Variants in MICU1 observed in about 807,000 individuals in gnomAD.
The protein encoded by MICU1 is mitochondrial calcium uptake 1, also known as calcium uptake protein 1, mitochondrial.
Under a neutral mutation model 56.8 loss-of-function variants are expected in MICU1, and 45 were observed. The observed-to-expected ratio is 0.79, with a 90% CI of 0.62 to 1.02. The LOEUF is 1.02. Ranked by LOEUF, MICU1 falls within the 50% of genes least tolerant of loss-of-function variation. The probability of loss-of-function intolerance (pLI) is 0.00; values close to 1 mark genes in which losing one functional copy is unlikely to be tolerated. For synonymous variants in MICU1, 186 were observed against 195.1 expected (o/e 0.95, Z 0.39); for missense variants, 504 against 587.1 (o/e 0.86, Z 1.46).
chr10:72,509,415 C>G, intron 5 of MICU1: 1 of 1,329,544 alleles, frequency 7.5e-7, no homozygotes, highest in Non-Finnish European at 9.9e-7. Flanking sequence ...TAGTGGAGAT[C>G]CCATCATAAA....
intron 10 of MICU1, among the ~76,000 whole-genome samples, chr10:72,383,560 C>T (rs1448549179): frequency 6.6e-6 from 1 of 152,132 alleles, no homozygotes; most frequent in African/African-American, 2.4e-5. Context: ...GCATAGTATT[C>T]CACTGACAGG....
intron 1 of MICU1, among the ~76,000 whole-genome samples, chr10:72,598,154 C>T (rs1465601999): frequency 6.6e-6 from 1 of 152,152 alleles, no homozygotes; most frequent in Non-Finnish European, 1.5e-5. Flanking sequence ...CATCACATCC[C>T]TATTTTGTGT....
intron 6 of MICU1, among the ~76,000 whole-genome samples, chr10:72,490,118 T>C (rs1343880517): frequency 6.6e-6 from 1 of 152,194 alleles, no homozygotes; most frequent in Non-Finnish European, 1.5e-5. Context: ...AAGGACAATA[T>C]TCATTTACAC....
intron 10 of MICU1, among the ~76,000 whole-genome samples, chr10:72,386,789 T>C (rs1237911301): frequency 1.3e-5 from 2 of 152,070 alleles, no homozygotes; most frequent in African/African-American, 4.8e-5. Context: ...CTGGAACTCC[T>C]CAGCCTCCCA....
At chr10:72,453,716 A>C (rs1865367448) in intron 8 of MICU1, among the ~76,000 whole-genome samples, 1 of 151,296 alleles carries the variant, frequency 6.6e-6, no homozygotes, top group South Asian at 2.1e-4. Context: ...TTTTTAGTAG[A>C]GACAGGATTT....
In MICU1 at chr10:72,623,615, G is replaced by A. The variant is rs546842481; in HGVS notation, c.-2+2395C>T. Among the ~76,000 whole-genome samples the A allele has an allele frequency of 3.9e-5, 6 of 152,132 alleles. No homozygotes were observed. In the South Asian group the frequency reaches 1.0e-3, roughly 26 times the overall value. On this transcript the variant is annotated intron_variant, in intron 1 of 11. Transcript: ENST00000361114. The stretch of plus-strand genomic sequence containing the variant: ...GCATTTTGGGAGGCCGAGGCAGGTG[G>A]ATCACCTGAGGTCGTCAGGAGTTCG...
At chr10:72,495,126 C>A (rs948420155) in intron 6 of MICU1, among the ~76,000 whole-genome samples, 3 of 152,010 alleles carry the variant, frequency 2.0e-5, no homozygotes, top group African/African-American at 7.3e-5. Context: ...AGAAGGCAAG[C>A]CAGTGCTTTT....
chr10:72,420,122 C>T (rs1320434749), intron 9 of MICU1, among the ~76,000 whole-genome samples: 1 of 151,896 alleles, frequency 6.6e-6, no homozygotes, highest in African/African-American at 2.4e-5. Context: ...TGCAATGGCG[C>T]GATCTCGGCT....
intron 8 of MICU1, among the ~76,000 whole-genome samples, chr10:72,468,791 A>G (rs190266399): frequency 3.0e-4 from 45 of 152,344 alleles, no homozygotes; most frequent in Non-Finnish European, 5.7e-4. Context: ...AGAAATTGGT[A>G]AAAGATTCTG....
intron 6 of MICU1, among the ~76,000 whole-genome samples, chr10:72,491,823 C>T (rs1033494215): frequency 2.0e-5 from 3 of 151,546 alleles, no homozygotes; most frequent in African/African-American, 7.3e-5. Flanking sequence ...TACAGAGATA[C>T]TAGTAAAATG....
chr10:72,475,829 G>C (rs116935821), intron 7 of MICU1: 8,175 of 456,498 alleles, frequency 0.018, 96 homozygotes, highest in Non-Finnish European at 0.024. Context: ...CTGGTAAGTA[G>C]CAGAATTAGG....
intron 1 of MICU1, among the ~76,000 whole-genome samples, chr10:72,608,347 C>G (rs887887650): frequency 2.0e-5 from 3 of 152,236 alleles, no homozygotes; most frequent in African/African-American, 7.2e-5. Context: ...GCTGGGATTA[C>G]AGGTGTGAGC....
intron 1 of MICU1, among the ~76,000 whole-genome samples, chr10:72,568,777 G>A (rs1292464514): frequency 9.4e-6 from 1 of 106,492 alleles, no homozygotes; most frequent in Non-Finnish European, 1.8e-5. Flanking sequence ...TTTTGAGACT[G>A]AGTCTTGCCC....
At chr10:72,372,056 GAA>G (rs57403485) in intron 11 of MICU1, among the ~76,000 whole-genome samples, 4,168 of 124,612 alleles carry the variant, frequency 0.033, 175 homozygotes, top group African/African-American at 0.11. Context: ...ATGCTGTCTC[GAA>G]AAAAAAAAAA....
intron 8 of MICU1, among the ~76,000 whole-genome samples, chr10:72,444,138 C>T (rs1349783462): frequency 7.0e-4 from 106 of 151,248 alleles, no homozygotes; most frequent in African/African-American, 5.3e-4. Flanking sequence ...AACCAAACAC[C>T]GCATATTCTC....
chr10:72,550,473 G>A (rs182730452), intron 4 of MICU1, among the ~76,000 whole-genome samples: 25 of 152,212 alleles, frequency 1.6e-4, no homozygotes, highest in East Asian at 9.6e-4. Flanking sequence ...GGCCCGTGAC[G>A]GTACAATCAA....
chr10:72,399,921 G>C (rs187693923), intron 10 of MICU1, among the ~76,000 whole-genome samples: 8 of 152,292 alleles, frequency 5.3e-5, no homozygotes, highest in Admixed American at 2.6e-4. Context: ...CTGCGCCGCT[G>C]AACTCCGGCC....
intron 10 of MICU1, among the ~76,000 whole-genome samples, chr10:72,389,895 TAAATC>T (rs1863010466): frequency 6.6e-6 from 1 of 152,214 alleles, no homozygotes; most frequent in Non-Finnish European, 1.5e-5. Context: ...GCAGACCACT[TAAATC>T]AATCAGCCAG....
At chr10:72,604,130 C>T (rs1841622199) in intron 1 of MICU1, among the ~76,000 whole-genome samples, 1 of 152,046 alleles carries the variant, frequency 6.6e-6, no homozygotes, top group African/African-American at 2.4e-5. Context: ...TTCCATGGAA[C>T]TTTTTTAGCA....
Sources: allele counts gnomAD v4.1 joint callset (sites outside exome capture counted in the v4.1 genomes callset), GRCh38; gene constraint gnomAD v4.1.1; transcripts MANE v1.5; gene names NCBI Gene and HGNC (gene_info 2026-07-23, HGNC 2026-07-21).